PAXIP1: variants seen among roughly 807,000 people sequenced by gnomAD.
PAXIP1 encodes the protein PAX-interacting protein 1.
Under a neutral mutation model 140.6 loss-of-function variants are expected in PAXIP1, and 19 were observed. The ratio of observed to expected loss-of-function variants is 0.14; its 90% CI spans 0.09 to 0.20. The LOEUF (loss-of-function observed/expected upper bound fraction) is 0.20, where lower values mean the gene tolerates loss of function less well. Among genes scored for constraint, PAXIP1 ranks in the 10% least tolerant of loss-of-function variants. The pLI is 1.00. For synonymous variants in PAXIP1, 442 were observed against 444.6 expected, an observed-to-expected ratio of 0.99 and a Z score of 0.07; for missense variants, 920 against 1,208.6, an observed-to-expected ratio of 0.76 and a Z score of 3.54.
In PAXIP1 at chr7:154,951,710, A is replaced by C. The variant is rs1230409824; in HGVS notation, c.2821+2545T>G. ...ACTGTAAACTTTATATACAGATAAA[A>C]CAACCACATTTTCACAAACTGAAAC... On this transcript the variant is annotated intron_variant, in intron 16 of 20. Coordinates refer to ENST00000404141, the MANE Select transcript of PAXIP1 (RefSeq NM_007349.4). 2.0e-5 allele frequency: 3 copies of C among 152,252 alleles called. No individual in the cohort carries two copies. In the East Asian group the frequency reaches 5.8e-4, roughly 29 times the overall value. 9.4% of individuals were successfully genotyped at this position (152,252 alleles called of 1,614,324 possible).
chr7:154,985,040 G>A (rs1563384270), intron 4 of PAXIP1, among the ~76,000 whole-genome samples: 1 of 152,134 alleles, frequency 6.6e-6, no homozygotes, highest in Non-Finnish European at 1.5e-5. Flanking sequence ...AAACTTCCAT[G>A]ACCCAGATTC....
At chr7:154,982,007 G>A (rs935543966) in intron 5 of PAXIP1, among the ~76,000 whole-genome samples, 4 of 152,124 alleles carry the variant, frequency 2.6e-5, no homozygotes, top group Non-Finnish European at 4.4e-5. Flanking sequence ...TGTTCACACA[G>A]TGCCTCTTAA....
At chr7:154,996,864 G>GT (rs1810647832) in intron 2 of PAXIP1, among the ~76,000 whole-genome samples, 1 of 152,156 alleles carries the variant, frequency 6.6e-6, no homozygotes, top group South Asian at 2.1e-4. Context: ...GGTCAGGCAG[G>GT]TTTAAGAACT....
intron 2 of PAXIP1, among the ~76,000 whole-genome samples, chr7:154,996,890 C>T (rs1054012856): frequency 6.6e-6 from 1 of 152,080 alleles, no homozygotes; most frequent in Admixed American, 6.6e-5. Flanking sequence ...TGGTAGTTGG[C>T]CTGGCAACAA....
intron 10 of PAXIP1, 134 bp downstream of exon 10, chr7:154,962,187 T>C (rs1585048705): frequency 1.1e-6 from 1 of 874,738 alleles, no homozygotes; most frequent in East Asian, 2.4e-5. Flanking sequence ...CAGGCACTTA[T>C]GAACTGGGCA....
rs573576502 is a variant in PAXIP1, at chr7:154,973,041, G to C, written c.1074+2655C>G. On this transcript the variant is annotated intron_variant, in intron 6 of 20. Transcript: ENST00000404141. This position sits in a 1 kb window ranked among gnomAD's most constrained non-coding sequence, Gnocchi z 4.0. ...ACGCGGATGTGCAGGGACCAGGGCC[G>C]GCACCCTCAGCATTGGGCGGTGCTG... Among the ~76,000 whole-genome samples the C allele has an allele frequency of 1.3e-5, 2 of 152,194 alleles. No individual in the cohort carries two copies. Among genetic ancestry groups the C allele is most frequent in the South Asian group, 2.1e-4 (1 of 4,828 alleles).
rs199539166 is a variant in PAXIP1, at chr7:154,998,827, T to C, written c.82-43A>G. 5.3e-5 allele frequency: 82 copies of C among 1,537,984 alleles called. 1 individual carries two copies. The East Asian group carries it at 1.7e-3, about 31-fold the overall frequency. ...CCACACAAATTAAAATGGGCAATAC[T>C]GTACTGTACTCTTGAATTACAGAAA... On this transcript the variant is annotated intron_variant, in intron 1 of 20. Coordinates refer to ENST00000404141, the MANE Select transcript of PAXIP1 (RefSeq NM_007349.4).
chr7:154,945,770 T>C, intron 20 of PAXIP1: 1 of 985,110 alleles, frequency 1.0e-6, no homozygotes, highest in Non-Finnish European at 1.2e-6. Flanking sequence ...AGGCTGTTCC[T>C]ACATTAAAAT....
chr7:154,975,640 G>C, intron 6 of PAXIP1, 56 bp downstream of exon 6: 1 of 1,220,374 alleles, frequency 8.2e-7, no homozygotes, highest in South Asian at 1.4e-5. Context: ...GAAATAGACT[G>C]TGAAATCCAA....
intron 13 of PAXIP1, among the ~76,000 whole-genome samples, chr7:154,957,973 C>CAAAAA (rs35027196): frequency 5.5e-5 from 5 of 91,588 alleles, no homozygotes; most frequent in Non-Finnish European, 6.2e-5. Context: ...GACTCCGTCT[C>CAAAAA]AAAAAAAAAA....
Position 154,997,764 on chromosome 7 carries a change from A to G in PAXIP1, c.216+886T>C, listed in dbSNP as rs190645456. Reference sequence around the variant, plus strand: ...CCATAGGTCAAGTTGGATACACCCCAGACGACCAGTGGGTAGACAATGTGA... The same window carrying G: ...CCATAGGTCAAGTTGGATACACCCCGGACGACCAGTGGGTAGACAATGTGA... On this transcript the variant is annotated intron_variant, in intron 2 of 20. Coordinates refer to ENST00000404141, the MANE Select transcript of PAXIP1 (RefSeq NM_007349.4). Among the ~76,000 whole-genome samples, 299 of 152,340 alleles carry G rather than the reference A, an allele frequency of 2.0e-3. 3 individuals carry two copies. Among genetic ancestry groups the G allele is most frequent in the Admixed American group, 0.012 (191 of 15,302 alleles).
intron 6 of PAXIP1, among the ~76,000 whole-genome samples, chr7:154,975,336 G>T (rs1224681365): frequency 2.6e-5 from 4 of 152,082 alleles, no homozygotes; most frequent in African/African-American, 9.7e-5. Context: ...AGCAAATCAG[G>T]TACAGCTGGT....
At chr7:154,961,479 T>A (rs771566135) in intron 11 of PAXIP1, 48 bp downstream of exon 11, 9 of 1,469,468 alleles carry the variant, frequency 6.1e-6, no homozygotes, top group Middle Eastern at 1.8e-4. Flanking sequence ...ATAGCCACTA[T>A]ATTGTGTGTA....
In PAXIP1 at chr7:154,967,915, A is replaced by T; in HGVS notation, c.1799-5T>A. ...ATAAGAAGCCTTCTTCTGGAACTAG[A>T]GTAAAATTACATAAGAAAAAGAAAA... On this transcript the variant is annotated splice_polypyrimidine_tract_variant and splice_region_variant and intron_variant, in intron 7 of 20. Coordinates refer to ENST00000404141, the MANE Select transcript of PAXIP1 (RefSeq NM_007349.4). 6.3e-7 allele frequency: 1 copy of T among 1,598,120 alleles called. No homozygotes were observed. The highest frequency in any genetic ancestry group is 8.6e-7 in the Non-Finnish European group (1 of 1,169,048).
chr7:154,987,099 T>C (rs556820833), intron 4 of PAXIP1, among the ~76,000 whole-genome samples: 7 of 152,264 alleles, frequency 4.6e-5, no homozygotes, highest in African/African-American at 1.7e-4. Context: ...CTCACCTAGT[T>C]GTTTCTTTAT....
In PAXIP1 at chr7:154,991,072, GT is replaced by G; in HGVS notation, c.261-4del. ...ATTCTGGAGAAAAACCATTTACTCT[GT>G]TTTATAGTTATTAAGATTACAATGA... is the stretch of plus-strand genomic sequence containing the variant. On this transcript the variant is annotated splice_region_variant and splice_polypyrimidine_tract_variant and intron_variant, in intron 3 of 20. Transcript: ENST00000404141. The G allele has an allele frequency of 6.8e-7, 1 of 1,468,654 alleles. No homozygotes were observed. Among genetic ancestry groups the G allele is most frequent in the Non-Finnish European group, 9.2e-7 (1 of 1,082,082 alleles). 91.0% of individuals were successfully genotyped at this position (1,468,654 alleles called of 1,614,324 possible). A position where few individuals can be genotyped will look rare whatever the true frequency, so the allele number is the denominator to read the frequency against.
At chr7:155,002,569 G>A (rs1810963476) in intron 1 of PAXIP1, among the ~76,000 whole-genome samples, 1 of 151,792 alleles carries the variant, frequency 6.6e-6, no homozygotes, top group Non-Finnish European at 1.5e-5. Context: ...GTGGGTCGGG[G>A]GCGGCGACCC....
chr7:154,984,433 T>G (rs1475677660), intron 4 of PAXIP1, among the ~76,000 whole-genome samples: 1 of 152,242 alleles, frequency 6.6e-6, no homozygotes, highest in Non-Finnish European at 1.5e-5. Context: ...TTAAAAGTAT[T>G]GATAATAGCA....
At position 154,946,415 on chromosome 7, in the gene PAXIP1, A is replaced by G; in HGVS notation, c.3144T>C (p.Asn1048=). 6.2e-7 allele frequency: 1 copy of G among 1,613,850 alleles called. No individual in the cohort carries two copies. Among genetic ancestry groups the G allele is most frequent in the South Asian group, 1.1e-5 (1 of 91,082 alleles). ...GCACTCCAGTCAGAACGAACTCTGC[A>G]TTGTGAACATCTGAACAGGGTGGAA... ...EYFARGIDVH[N]AEFVLTGVLT... Residue 1048 remains asparagine (N), a synonymous_variant, in exon 20 of 21, where the codon AAT becomes AAC. Coordinates refer to ENST00000404141, the MANE Select transcript of PAXIP1 (RefSeq NM_007349.4). This position sits in a 1 kb window ranked among gnomAD's most constrained non-coding sequence, Gnocchi z 4.9.
Sources: allele counts gnomAD v4.1 joint callset (sites outside exome capture counted in the v4.1 genomes callset), GRCh38; gene constraint gnomAD v4.1.1; non-coding constraint Gnocchi (gnomAD v3.1); transcripts MANE v1.5; gene names NCBI Gene and HGNC (gene_info 2026-07-23, HGNC 2026-07-21).